Variants in DST observed in about 807,000 individuals in gnomAD.
DST encodes dystonin.
DST carries 253 observed loss-of-function variants against 875.2 expected under a neutral mutation model. The observed-to-expected ratio is 0.29, with a 90% CI of 0.26 to 0.32. The LOEUF (loss-of-function observed/expected upper bound fraction) is 0.32. DST is among the 10% of genes least tolerant of loss of function. The probability of loss-of-function intolerance (pLI) is 1.00; values close to 1 mark genes in which losing one functional copy is unlikely to be tolerated. For synonymous variants in DST, 3,124 were observed against 3,197.1 expected, an observed-to-expected ratio of 0.98 and a Z score of 0.77; for missense variants, 8,287 against 9,111.6, an observed-to-expected ratio of 0.91 and a Z score of 3.68.
intron 23 of DST, among the ~76,000 whole-genome samples, chr6:56,636,341 T>C (rs1289109405): frequency 6.6e-6 from 1 of 150,768 alleles, no homozygotes; most frequent in East Asian, 1.9e-4. Flanking sequence ...TATATGTATA[T>C]GTATGTGTAT....
intron 22 of DST, 141 bp downstream of exon 22, chr6:56,639,118 C>T: frequency 1.3e-6 from 1 of 748,488 alleles, no homozygotes; most frequent in South Asian, 1.6e-5. Flanking sequence ...GCAATCAGTA[C>T]AATTTGTCAG....
Position 56,487,154 on chromosome 6 carries a change from C to T in DST, c.20997G>A (p.Leu6999=), listed in dbSNP as rs187652380. 0.011 allele frequency: 18,352 copies of T among 1,613,914 alleles called. 154 individuals are homozygous for T. The highest frequency in any genetic ancestry group is 0.014 in the Non-Finnish European group (16,688 of 1,179,826). Residue 6999 remains leucine (L), a synonymous_variant, in exon 87 of 104, where the codon CTG becomes CTA. Coordinates refer to ENST00000680361, the MANE Select transcript of DST (RefSeq NM_001374736.1). The stretch of plus-strand genomic sequence containing the variant: ...TATCCCATTTGTCTCTGAGTTCACT[C>T]AGCATGTCATCCAGTTTCAGGTTGT... ...ADDNLKLDDM[L]SELRDKWDTI...
intron 2 of DST, among the ~76,000 whole-genome samples, chr6:56,942,075 CTT>C (rs1233301863): frequency 2.0e-5 from 3 of 152,170 alleles, no homozygotes; most frequent in African/African-American, 7.2e-5. Context: ...GAACATCCCT[CTT>C]TGTCTCTGTT....
At chr6:56,752,506 G>A (rs2099590364) in intron 4 of DST, among the ~76,000 whole-genome samples, 1 of 151,958 alleles carries the variant, frequency 6.6e-6, no homozygotes. Flanking sequence ...CACTCCCACA[G>A]GCAACCTGAT....
At chr6:56,788,785 C>T (rs1564187545) in intron 4 of DST, among the ~76,000 whole-genome samples, 1 of 152,172 alleles carries the variant, frequency 6.6e-6, no homozygotes, top group Admixed American at 6.5e-5. Context: ...CAGTACTGAG[C>T]AATTATGATT....
At chr6:56,788,431 C>T (rs1447864938) in intron 4 of DST, among the ~76,000 whole-genome samples, 2 of 152,056 alleles carry the variant, frequency 1.3e-5, no homozygotes, top group Non-Finnish European at 2.9e-5. Flanking sequence ...ATCTGCCCAC[C>T]TTGGCCTCCC....
At chr6:56,766,531 T>C (rs956441635) in intron 4 of DST, among the ~76,000 whole-genome samples, 3 of 151,994 alleles carry the variant, frequency 2.0e-5, no homozygotes, top group African/African-American at 7.2e-5. Flanking sequence ...GTATCTTTTT[T>C]TTTTTTTTTT....
intron 4 of DST, among the ~76,000 whole-genome samples, chr6:56,752,561 C>T (rs778325407): frequency 4.6e-5 from 7 of 152,158 alleles, no homozygotes; most frequent in Non-Finnish European, 7.3e-5. Context: ...CTATGTTTCA[C>T]ATAAATATAT....
At chr6:56,498,199 G>A (rs2095988135) in intron 80 of DST, 146 bp from the exon 81 acceptor site, 1 of 767,730 alleles carries the variant, frequency 1.3e-6, no homozygotes, top group Non-Finnish European at 2.0e-6. Context: ...AAAGAGATGG[G>A]GTCTTACTCT....
intron 3 of DST, among the ~76,000 whole-genome samples, chr6:56,872,960 C>T (rs1474421414): frequency 6.6e-6 from 1 of 151,492 alleles, no homozygotes; most frequent in African/African-American, 2.4e-5. Flanking sequence ...ACTAAACTTA[C>T]ATTCCTACCA....
chr6:56,843,178 T>A, intron 4 of DST: 1 of 1,524,268 alleles, frequency 6.6e-7, no homozygotes, highest in Non-Finnish European at 8.9e-7. Flanking sequence ...ACTGACAAAT[T>A]CCCCTCTCCC....
intron 36 of DST, 152 bp from the exon 37 acceptor site, chr6:56,614,636 C>T: frequency 7.8e-7 from 1 of 1,281,524 alleles, no homozygotes; most frequent in Non-Finnish European, 9.8e-7. Flanking sequence ...CCATATTTAC[C>T]ATGTCACATA....
chr6:56,811,057 A>C (rs1005572374), intron 4 of DST, among the ~76,000 whole-genome samples: 1 of 151,646 alleles, frequency 6.6e-6, no homozygotes, highest in African/African-American at 2.4e-5. Flanking sequence ...GGTGGCATGC[A>C]CCTGTAGTCC....
Position 56,606,168 on chromosome 6 carries a change from T to A in DST, c.8460A>T (p.Arg2820Ser). The change falls in exon 40 of 104, where the codon AGA (arginine) becomes AGT (serine). Residue 2820 changes from arginine to serine, a missense_variant. Physicochemically the swap from Arg to Ser is moderately radical, Grantham distance 110 (BLOSUM62 -1). Around this residue, in one of 10 missense-constraint regions of DST, gnomAD observed 3,138 missense variants for 3,116.6 expected, o/e 1.01. Transcript: ENST00000680361. ...GGCACCTGGGCTTTCCATTCTCATCTCTTATACCTCCTCCTTCTTCATCAA... is the reference window on the plus strand; with the variant it reads ...GGCACCTGGGCTTTCCATTCTCATCACTTATACCTCCTCCTTCTTCATCAA... ...DGIDEEGGGI[R>S]DENGKPRCQN... is the part of the protein sequence containing the mutation. 1 of 1,600,690 alleles carries A rather than the reference T, an allele frequency of 6.2e-7. No homozygotes were observed. Among genetic ancestry groups the A allele is most frequent in the Non-Finnish European group, 8.5e-7 (1 of 1,171,950 alleles).
At chr6:56,874,751 T>A (rs1778905484) in intron 3 of DST, among the ~76,000 whole-genome samples, 1 of 152,136 alleles carries the variant, frequency 6.6e-6, no homozygotes, top group Non-Finnish European at 1.5e-5. Context: ...ATTTAAGAGA[T>A]CTCGAAGAAA....
chr6:56,752,207 A>G (rs1219607734), intron 4 of DST, among the ~76,000 whole-genome samples: 2 of 152,120 alleles, frequency 1.3e-5, no homozygotes, highest in Non-Finnish European at 2.9e-5. Flanking sequence ...AAAAGGCATC[A>G]TGAGTCATCC....
chr6:56,552,706 C>G lies in DST; in HGVS notation c.16086G>C (p.Glu5362Asp). ...CAACCTGCTGACTTAGTGTACTATG[C>G]TCTTGAGCTATGGTTTCCACTTGTA... is the stretch of plus-strand genomic sequence containing the variant. ...VLLQVETIAQ[E>D]HSTLSQQVDE... is the part of the protein sequence containing the mutation. The change falls in exon 61 of 104, where the codon GAG (glutamate) becomes GAC (aspartate). Residue 5362 changes from glutamate to aspartate, a missense_variant. Glu to Asp is a conservative substitution (Grantham distance 45). Coordinates refer to ENST00000680361, the MANE Select transcript of DST (RefSeq NM_001374736.1). 3 of 1,613,192 alleles carry G rather than the reference C, an allele frequency of 1.9e-6. No individual in the cohort carries two copies. The highest frequency in any genetic ancestry group is 2.5e-6 in the Non-Finnish European group (3 of 1,179,906).
intron 4 of DST, among the ~76,000 whole-genome samples, chr6:56,772,238 T>C (rs571312857): frequency 1.3e-5 from 2 of 152,228 alleles, no homozygotes; most frequent in African/African-American, 2.4e-5. Context: ...CAAATTTACA[T>C]ATAAAAACAC....
At chr6:56,935,522 T>A (rs1812565108) in intron 2 of DST, among the ~76,000 whole-genome samples, 1 of 152,272 alleles carries the variant, frequency 6.6e-6, no homozygotes, top group Non-Finnish European at 1.5e-5. Context: ...CTTTGTAAAC[T>A]CATCAGTAAA....
Sources: allele counts gnomAD v4.1 joint callset (sites outside exome capture counted in the v4.1 genomes callset), GRCh38; gene constraint gnomAD v4.1.1; regional missense constraint gnomAD v4.1.1; transcripts MANE v1.5; gene names NCBI Gene and HGNC (gene_info 2026-07-23, HGNC 2026-07-21).